The following SETD5 variants were observed in gnomAD, a reference collection of about 807,000 sequenced individuals.
SETD5 encodes histone-lysine N-methyltransferase SETD5.
Under a neutral mutation model 153.3 loss-of-function variants are expected in SETD5, and 44 were observed. The observed-to-expected ratio is 0.29, with a 90% confidence interval of 0.23 to 0.37. The LOEUF (loss-of-function observed/expected upper bound fraction) is 0.37, where lower values mean the gene tolerates loss of function less well. SETD5 is among the 10% of genes least tolerant of loss of function. SETD5 has a pLI of 1.00. For missense variants in SETD5, 1,544 were observed against 1,768.0 expected, an observed-to-expected ratio of 0.87 and a Z score of 2.27; for synonymous variants, 716 against 645.2, an observed-to-expected ratio of 1.11 and a Z score of -1.66.
chr3:9,475,011 T>C (rs2045710721), intron 21 of SETD5, 57 bp from the exon 22 acceptor site: 3 of 1,473,342 alleles, frequency 2.0e-6, no homozygotes, highest in Middle Eastern at 1.9e-4. Context: ...AAAATGGCTC[T>C]TTCTTACTTA....
chr3:9,454,646 A>AAAAAAAAAAAAAAAAAT (rs2043015504), intron 17 of SETD5, among the ~76,000 whole-genome samples: 1 of 149,580 alleles, frequency 6.7e-6, no homozygotes, highest in Admixed American at 6.7e-5. Context: ...AAAAAAAAAA[A>AAAAAAAAAAAAAAAAAT]AAAACAAATT....
chr3:9,433,664 A>G, intron 3 of SETD5, 181 bp from the exon 4 acceptor site: 4 of 862,336 alleles, frequency 4.6e-6, no homozygotes, highest in Non-Finnish European at 6.7e-6. Context: ...CACATTTAAT[A>G]ACACTCCTAC....
At chr3:9,442,641 T>TTA (rs1441203010) in intron 10 of SETD5, among the ~76,000 whole-genome samples, 1 of 152,208 alleles carries the variant, frequency 6.6e-6, no homozygotes, top group Non-Finnish European at 1.5e-5. Flanking sequence ...TTTCTAGAAT[T>TTA]CATTACTCAG....
intron 10 of SETD5, 47 bp from the exon 11 acceptor site, chr3:9,443,261 A>G (rs1384672973): frequency 2.2e-6 from 3 of 1,360,482 alleles, no homozygotes; most frequent in South Asian, 2.5e-5. Context: ...TCTTACGGAA[A>G]GTTCATGGTC....
At chr3:9,408,694 A>G (rs2036100024) in intron 1 of SETD5, among the ~76,000 whole-genome samples, 1 of 152,118 alleles carries the variant, frequency 6.6e-6, no homozygotes, top group Non-Finnish European at 1.5e-5. Flanking sequence ...GTGTATTTCC[A>G]TTAAGAGTTA....
intron 7 of SETD5, among the ~76,000 whole-genome samples, chr3:9,436,450 C>T (rs2040579300): frequency 6.6e-6 from 1 of 152,204 alleles, no homozygotes; most frequent in Non-Finnish European, 1.5e-5. Context: ...ATCACAGCAA[C>T]TTTGTTGCTT....
At chr3:9,462,597 A>G (rs1004709918) in intron 17 of SETD5, among the ~76,000 whole-genome samples, 3 of 151,032 alleles carry the variant, frequency 2.0e-5, no homozygotes, top group East Asian at 1.9e-4. Flanking sequence ...AAAAAAAAAA[A>G]AAAAGAAAAA....
In SETD5 at chr3:9,476,378, A is replaced by G. The variant is rs1413111362; in HGVS notation, c.*287A>G. On this transcript the variant is annotated 3_prime_UTR_variant, in exon 23 of 23. Transcript: ENST00000402198. ...TCGGTTAGTAACGGTTCTAAGTGCA[A>G]TGAGTTGTGTTGAAGCCTCCGTCTC... The G allele has an allele frequency of 1.9e-5, 7 of 370,582 alleles. No individual in the cohort carries two copies. Among genetic ancestry groups the G allele is most frequent in the South Asian group, 1.2e-4 (3 of 25,412 alleles). The allele number at this position is 370,582 out of a possible 1,614,324, so 23.0% of individuals were successfully genotyped here.
rs79943089 is a variant in SETD5, at chr3:9,438,128, A to T, written c.567+2222A>T. On this transcript the variant is annotated intron_variant, in intron 7 of 22. Transcript: ENST00000402198. Reference sequence around the variant, plus strand: ...CTAAAGTTTGAAGGCCCCACTTAGTATCTATCTTTAAACAGACTTGCACAT... The same window carrying T: ...CTAAAGTTTGAAGGCCCCACTTAGTTTCTATCTTTAAACAGACTTGCACAT... 1.0e-3 allele frequency among the ~76,000 whole-genome samples: 156 copies of T among 152,336 alleles called. No individual in the cohort carries two copies. The East Asian group carries it at 0.027, about 27-fold the overall frequency.
At chr3:9,438,945 C>T (rs1051742750) in intron 7 of SETD5, among the ~76,000 whole-genome samples, 3 of 152,194 alleles carry the variant, frequency 2.0e-5, no homozygotes, top group African/African-American at 7.2e-5. Flanking sequence ...CTAAACCCAA[C>T]TGAGGTAGAG....
chr3:9,443,091 G>C, intron 10 of SETD5: 1 of 424,700 alleles, frequency 2.4e-6, no homozygotes, highest in South Asian at 2.5e-5. Context: ...ACATCTCAAG[G>C]TTTCTCCACA....
Position 9,475,166 on chromosome 3 carries a change from G to A in SETD5, c.3720+10G>A. ...CAGATACAGCTACCAGGTGAGATGA[G>A]AAATTGCTGGTCTCTAGCCATAGGA... On this transcript the variant is annotated intron_variant, in intron 22 of 22. Transcript: ENST00000402198. 1 of 1,570,894 alleles carries A rather than the reference G, an allele frequency of 6.4e-7. No homozygotes were observed. The highest frequency in any genetic ancestry group is 8.6e-7 in the Non-Finnish European group (1 of 1,157,746).
intron 21 of SETD5, 71 bp downstream of exon 21, chr3:9,474,653 A>C: frequency 1.3e-6 from 2 of 1,566,854 alleles, no homozygotes; most frequent in East Asian, 2.3e-5. Context: ...GTTCATGCCT[A>C]GTGCTGAGTT....
rs772781722 is a variant in SETD5 at position 9,448,573 on chromosome 3, C to T, written c.2289C>T (p.Ile763=). The T allele has an allele frequency of 1.2e-6, 2 of 1,612,248 alleles. No homozygotes were observed. Among genetic ancestry groups the T allele is most frequent in the Non-Finnish European group, 8.5e-7 (1 of 1,178,622 alleles). ...ACATTCGCTTTGGCTCACCCTTTATCCCTGAGAGACGTCGAAGGCCCCTTC... is the reference window on the plus strand; with the variant it reads ...ACATTCGCTTTGGCTCACCCTTTATTCCTGAGAGACGTCGAAGGCCCCTTC... The part of the protein sequence containing the change: ...KHYIRFGSPF[I]PERRRRPLLP... Residue 763 remains isoleucine (I), a synonymous_variant, in exon 16 of 23, where the codon ATC becomes ATT. Coordinates refer to ENST00000402198, the MANE Select transcript of SETD5 (RefSeq NM_001080517.3).
rs200935588 is a variant in SETD5, at chr3:9,455,357, C to T, written c.2476+1489C>T. Among the ~76,000 whole-genome samples the T allele has an allele frequency of 7.9e-5, 12 of 151,600 alleles. No individual in the cohort carries two copies. The East Asian group carries it at 1.9e-3, about 25-fold the overall frequency. On this transcript the variant is annotated intron_variant, in intron 17 of 22. Coordinates refer to ENST00000402198, the MANE Select transcript of SETD5 (RefSeq NM_001080517.3). ...CTGACCTCAGGAGATCCGCCCACCT[C>T]GGCTTCCCAAAGTGCTGGGATTACA...
chr3:9,423,522 CT>C (rs934343117), intron 1 of SETD5, among the ~76,000 whole-genome samples: 11 of 152,116 alleles, frequency 7.2e-5, no homozygotes, highest in African/African-American at 2.4e-4. Flanking sequence ...TCCTCCTTTC[CT>C]TTTTTTCTTT....
intron 14 of SETD5, 142 bp downstream of exon 14, chr3:9,447,449 C>A: frequency 8.0e-7 from 1 of 1,249,500 alleles, no homozygotes. Context: ...TAACTGGAAC[C>A]ATTTCATTGG....
At chr3:9,460,739 A>G (rs1196777196) in intron 17 of SETD5, among the ~76,000 whole-genome samples, 2 of 152,148 alleles carry the variant, frequency 1.3e-5, no homozygotes, top group African/African-American at 2.4e-5. Context: ...GGTGCTGGCT[A>G]TTTGTTATGG....
chr3:9,445,830 T>A, intron 13 of SETD5, 90 bp downstream of exon 13: 1 of 838,666 alleles, frequency 1.2e-6, no homozygotes, highest in Non-Finnish European at 1.8e-6. Flanking sequence ...TTGTATCATC[T>A]CATTGATTTG....
Sources: gnomAD v4.1 joint callset for allele counts (sites outside exome capture counted in the v4.1 genomes callset) on GRCh38, gnomAD v4.1.1 for gene constraint, MANE v1.5 for transcripts, NCBI Gene and HGNC (gene_info 2026-07-23, HGNC 2026-07-21) for gene names.